SLIT3: variants seen among roughly 807,000 people sequenced by gnomAD.
SLIT3 encodes the protein slit guidance ligand 3.
In SLIT3, 68 loss-of-function variants were observed where a neutral mutation model predicts 184.0. The ratio of observed to expected loss-of-function variants is 0.37; its 90% CI spans 0.30 to 0.45. The LOEUF (loss-of-function observed/expected upper bound fraction) is 0.45, where lower values mean the gene tolerates loss of function less well. Ranked by LOEUF, SLIT3 falls within the 20% of genes least tolerant of loss-of-function variation. The pLI is 1.00. For synonymous variants in SLIT3, 831 were observed against 828.6 expected (o/e 1.00, Z -0.05); for missense variants, 1,707 against 2,026.0 (o/e 0.84, Z 3.02).
intron 4 of SLIT3, among the ~76,000 whole-genome samples, chr5:169,008,657 GTTT>G (rs369408913): frequency 6.6e-6 from 1 of 151,254 alleles, no homozygotes; most frequent in Non-Finnish European, 1.5e-5. Flanking sequence ...TGCTGTTGTT[GTTT>G]TTTTTTAACT....
At chr5:168,857,562 C>T (rs1405559226) in intron 5 of SLIT3, among the ~76,000 whole-genome samples, 1 of 152,124 alleles carries the variant, frequency 6.6e-6, no homozygotes, top group African/African-American at 2.4e-5. Flanking sequence ...CTATGGGCCC[C>T]TCAAGAGCTG....
intron 4 of SLIT3, among the ~76,000 whole-genome samples, chr5:169,134,997 C>G (rs1333526067): frequency 6.6e-6 from 1 of 152,242 alleles, no homozygotes; most frequent in East Asian, 1.9e-4. Flanking sequence ...AGTAGCTGCT[C>G]TATAAATATA....
rs370270230 is a variant in SLIT3, at chr5:169,179,276, C to CTTTT, written c.413+14199_413+14202dup. On this transcript the variant is annotated intron_variant, in intron 4 of 35. Transcript: ENST00000519560. Reference sequence around the variant, plus strand: ...AAATTAGTGAAACCTATTCCTTTTTCTTTTTTTTTTTTTTTTTTTCCAGAC... The same window carrying CTTTT: ...AAATTAGTGAAACCTATTCCTTTTTCTTTTTTTTTTTTTTTTTTTTTTTCCAGAC... Among the ~76,000 whole-genome samples the CTTTT allele has an allele frequency of 4.0e-5, 5 of 125,046 alleles. 1 individual carries two copies. Among genetic ancestry groups the CTTTT allele is most frequent in the Admixed American group, 1.7e-4 (2 of 11,632 alleles). The allele number at this position is 125,046 out of a possible 152,430, so 82.0% of individuals were successfully genotyped here.
rs769469174 is a variant in SLIT3 at position 168,671,305 on chromosome 5, G to A, written c.4020C>T (p.His1340=). The stretch of plus-strand genomic sequence containing the variant: ...CCTTCTCCACGGAGCGGCACAGGCC[G>A]TGCTTGCACACGGTGCAGGACTTGC... ...PGCKSCTVCK[H]GLCRSVEKDS... Residue 1340 remains histidine, a synonymous_variant, in exon 34 of 36, where the codon CAC becomes CAT. Coordinates refer to ENST00000519560, the MANE Select transcript of SLIT3 (RefSeq NM_003062.4). 9 of 1,613,826 alleles carry A rather than the reference G, an allele frequency of 5.6e-6. No individual in the cohort carries two copies. Among genetic ancestry groups the A allele is most frequent in the Middle Eastern group, 3.3e-4 (2 of 6,082 alleles).
intron 9 of SLIT3, among the ~76,000 whole-genome samples, chr5:168,797,366 G>C (rs1168078051): frequency 6.6e-6 from 1 of 152,230 alleles, no homozygotes; most frequent in Non-Finnish European, 1.5e-5. Context: ...ACTGTGGCAA[G>C]AGATTTCAGC....
At position 169,257,394 on chromosome 5, in the gene SLIT3, G is replaced by A. The variant is rs1018109451; in HGVS notation, c.198-5935C>T. On this transcript the variant is annotated intron_variant, in intron 1 of 35. Coordinates refer to ENST00000519560, the MANE Select transcript of SLIT3 (RefSeq NM_003062.4). ...ACCCCAACCTCCCCGCCCCCACCCC[G>A]CCCCACAACCATTTACACACATTAA... Among the ~76,000 whole-genome samples, 114 of 9,194 alleles carry A rather than the reference G, an allele frequency of 0.012. 1 individual carries two copies. The East Asian group carries it at 0.2, about 16-fold the overall frequency. The allele number at this position is 9,194 out of a possible 152,430, so 6.0% of individuals were successfully genotyped here.
At chr5:169,091,958 G>A (rs947449085) in intron 4 of SLIT3, among the ~76,000 whole-genome samples, 1 of 152,078 alleles carries the variant, frequency 6.6e-6, no homozygotes, top group Non-Finnish European at 1.5e-5. Flanking sequence ...GCGGTGGCTC[G>A]TGCCTGTAAT....
intron 25 of SLIT3, among the ~76,000 whole-genome samples, chr5:168,709,678 G>C (rs1412090031): frequency 1.4e-5 from 2 of 145,752 alleles, no homozygotes; most frequent in African/African-American, 5.7e-5. Flanking sequence ...TAAAGTTTGA[G>C]AGGGTAATTA....
At chr5:168,682,448 C>T (rs1761620019) in intron 32 of SLIT3, among the ~76,000 whole-genome samples, 1 of 152,162 alleles carries the variant, frequency 6.6e-6, no homozygotes, top group Non-Finnish European at 1.5e-5. Context: ...TGGGGCCAAC[C>T]CCTAGGGTTT....
chr5:169,210,451 G>A (rs1764225596), intron 3 of SLIT3, among the ~76,000 whole-genome samples: 1 of 152,196 alleles, frequency 6.6e-6, no homozygotes. Flanking sequence ...AATAATTTGA[G>A]TAAAGGTGTT....
chr5:169,079,922 G>A (rs2113155727), intron 4 of SLIT3, among the ~76,000 whole-genome samples: 1 of 148,136 alleles, frequency 6.8e-6, no homozygotes, highest in South Asian at 2.2e-4. Context: ...GGAGGAAGAG[G>A]AATGGCAAAG....
At chr5:168,978,408 T>A (rs1267356064) in intron 4 of SLIT3, among the ~76,000 whole-genome samples, 1 of 152,342 alleles carries the variant, frequency 6.6e-6, no homozygotes, top group Admixed American at 6.5e-5. Context: ...CCTTCATTCA[T>A]CTGATTCAGA....
chr5:168,997,465 C>T (rs911498840), intron 4 of SLIT3, among the ~76,000 whole-genome samples: 1 of 152,058 alleles, frequency 6.6e-6, no homozygotes, highest in African/African-American at 2.4e-5. Context: ...GGGTCTTCTC[C>T]AAAACTAGAA....
intron 1 of SLIT3, among the ~76,000 whole-genome samples, chr5:169,265,259 G>A (rs534801726): frequency 6.6e-6 from 1 of 152,356 alleles, no homozygotes; most frequent in East Asian, 1.9e-4. Context: ...GTTCTGGCCT[G>A]CAGACCTGCG....
chr5:169,210,712 AAG>A, intron 3 of SLIT3, among the ~76,000 whole-genome samples: 1 of 152,334 alleles, frequency 6.6e-6, no homozygotes. Flanking sequence ...GAATCAAAGT[AAG>A]AGGAGAAACA....
rs761686049 is a variant in SLIT3, at chr5:168,671,202, G to A, written c.4123C>T (p.His1375Tyr). Residue 1375 changes from histidine (H) to tyrosine (Y), a missense_variant, in exon 34 of 36, where the codon CAC becomes TAC. Physicochemically the swap from His to Tyr is moderately conservative, Grantham distance 83. Coordinates refer to ENST00000519560, the MANE Select transcript of SLIT3 (RefSeq NM_003062.4). ...CAGGGCTCCTGGGACACTGACCTGT[G>A]GCCGAGGCAGGGGTCCCGGGCCTCC... The part of the protein sequence containing the change: ...DQEARDPCLG[H>Y]RCHHGKCVAT... The A allele has an allele frequency of 5.0e-6, 8 of 1,606,138 alleles. No individual in the cohort carries two copies. The East Asian group carries it at 6.7e-5, about 13-fold the overall frequency.
At chr5:168,756,908 C>T (rs946683725) in intron 16 of SLIT3, among the ~76,000 whole-genome samples, 3 of 152,244 alleles carry the variant, frequency 2.0e-5, no homozygotes, top group South Asian at 2.1e-4. Context: ...ATTAACATCA[C>T]ATTACTGTAA....
chr5:168,804,000 G>A (rs1174103320), intron 9 of SLIT3, among the ~76,000 whole-genome samples: 3 of 151,746 alleles, frequency 2.0e-5, no homozygotes, highest in African/African-American at 7.2e-5. Context: ...AATGCATCAA[G>A]GGAGGGAGAA....
At chr5:168,909,331 T>G (rs1169438597) in intron 4 of SLIT3, among the ~76,000 whole-genome samples, 4 of 152,244 alleles carry the variant, frequency 2.6e-5, no homozygotes, top group African/African-American at 9.6e-5. Flanking sequence ...ATCAGGAAAT[T>G]CACACAAACA....
Sources: gnomAD v4.1 joint callset for allele counts (sites outside exome capture counted in the v4.1 genomes callset) on GRCh38, gnomAD v4.1.1 for gene constraint, MANE v1.5 for transcripts, NCBI Gene and HGNC (gene_info 2026-07-23, HGNC 2026-07-21) for gene names.